The following TBC1D1 variants were observed in gnomAD, a reference collection of about 807,000 sequenced individuals.
The protein encoded by TBC1D1 is TBC1 (tre-2/USP6, BUB2, cdc16) domain family, member 1.
TBC1D1 carries 89 observed loss-of-function variants against 125.6 expected under a neutral mutation model. The ratio of observed to expected loss-of-function variants is 0.71; its 90% confidence interval spans 0.60 to 0.85. The LOEUF (loss-of-function observed/expected upper bound fraction) is 0.85. TBC1D1 is among the 40% of genes least tolerant of loss of function. TBC1D1 has a pLI of 0.00. For synonymous variants in TBC1D1, 565 were observed against 564.1 expected, an observed-to-expected ratio of 1.00 and a Z score of -0.02; for missense variants, 1,377 against 1,469.2, an observed-to-expected ratio of 0.94 and a Z score of 1.03.
intron 7 of TBC1D1, 46 bp downstream of exon 7, chr4:38,027,925 GC>G: frequency 7.1e-7 from 1 of 1,399,200 alleles, no homozygotes; most frequent in Non-Finnish European, 9.9e-7. Context: ...AAGGCAGGCA[GC>G]TTACCTGGGA....
chr4:37,979,904 C>A (rs1188906046), intron 2 of TBC1D1, among the ~76,000 whole-genome samples: 1 of 152,228 alleles, frequency 6.6e-6, no homozygotes, highest in Non-Finnish European at 1.5e-5. Context: ...CTCAGCCTCC[C>A]GAGTAGCTGG....
At chr4:37,918,518 G>T (rs1158309045) in intron 2 of TBC1D1, among the ~76,000 whole-genome samples, 1 of 151,078 alleles carries the variant, frequency 6.6e-6, no homozygotes, top group Non-Finnish European at 1.5e-5. Context: ...CACAATCTCA[G>T]CTCACTGCAA....
rs149852383 is a variant in TBC1D1, at chr4:37,933,714, A to G, written c.417+31202A>G. ...ATACAAAATGTTTAACAGTGATTCA[A>G]CTTGAAAAAAGATAGATATGATTCA... On this transcript the variant is annotated intron_variant, in intron 2 of 19. Coordinates refer to ENST00000261439, the MANE Select transcript of TBC1D1 (RefSeq NM_015173.4). Among the ~76,000 whole-genome samples the G allele has an allele frequency of 6.0e-3, 915 of 152,300 alleles. 2 individuals carry two copies. The highest frequency in any genetic ancestry group is 0.02 in the Middle Eastern group (6 of 294).
At chr4:37,949,669 C>A (rs919892421) in intron 2 of TBC1D1, among the ~76,000 whole-genome samples, 3 of 152,168 alleles carry the variant, frequency 2.0e-5, no homozygotes, top group Non-Finnish European at 4.4e-5. Context: ...TCCTTCCAGA[C>A]GTTCTACATG....
intron 10 of TBC1D1, among the ~76,000 whole-genome samples, chr4:38,047,314 C>T (rs115655108): frequency 0.011 from 1,632 of 152,194 alleles, 27 homozygotes; most frequent in African/African-American, 0.037. Context: ...GGTTAAAGTG[C>T]AGATTCTGGT....
At chr4:38,063,476 G>A (rs1753127393) in intron 12 of TBC1D1, among the ~76,000 whole-genome samples, 1 of 151,984 alleles carries the variant, frequency 6.6e-6, no homozygotes, top group Admixed American at 6.5e-5. Flanking sequence ...AGTTTTTTTA[G>A]AAGGATAGAT....
At chr4:38,114,678 G>C (rs935337425) in intron 15 of TBC1D1, among the ~76,000 whole-genome samples, 1 of 152,126 alleles carries the variant, frequency 6.6e-6, no homozygotes, top group Admixed American at 6.5e-5. Flanking sequence ...AGAGGAACTT[G>C]ACAAGTATCA....
At position 37,894,230 on chromosome 4, in the gene TBC1D1, AC is replaced by A. The variant is rs565573307; in HGVS notation, c.-94+2885del. Among the ~76,000 whole-genome samples, 304 of 152,002 alleles carry A rather than the reference AC, an allele frequency of 2.0e-3. 3 individuals are homozygous for A. Among genetic ancestry groups the A allele is most frequent in the African/African-American group, 7.1e-3 (295 of 41,480 alleles). ...TCTTGAACTCCCGACCTTGTGATCC[AC>A]CCGCCTTGGCCTCCCAAAGTGCTGG... On this transcript the variant is annotated intron_variant, in intron 1 of 19. Coordinates refer to ENST00000261439, the MANE Select transcript of TBC1D1 (RefSeq NM_015173.4).
chr4:38,031,392 G>C (rs934933377), intron 7 of TBC1D1, among the ~76,000 whole-genome samples: 1 of 152,194 alleles, frequency 6.6e-6, no homozygotes, highest in African/African-American at 2.4e-5. Flanking sequence ...TATCAGCTTA[G>C]TTGGATTTTG....
chr4:37,988,468 A>AG (rs969788103), intron 2 of TBC1D1, among the ~76,000 whole-genome samples: 2 of 152,212 alleles, frequency 1.3e-5, no homozygotes, highest in African/African-American at 2.4e-5. Flanking sequence ...CATCCATTAA[A>AG]GGGGGGATGA....
At chr4:37,897,443 T>C (rs1281178258) in intron 1 of TBC1D1, among the ~76,000 whole-genome samples, 1 of 152,212 alleles carries the variant, frequency 6.6e-6, no homozygotes. Context: ...TATTTGATAG[T>C]TTATGAACAG....
intron 16 of TBC1D1, among the ~76,000 whole-genome samples, chr4:38,116,939 C>T (rs1763079051): frequency 6.6e-6 from 1 of 152,176 alleles, no homozygotes; most frequent in Non-Finnish European, 1.5e-5. Context: ...ACATGGACCA[C>T]GTGAATGCAA....
chr4:38,092,084 A>G (rs1758522022), intron 13 of TBC1D1, among the ~76,000 whole-genome samples: 1 of 152,236 alleles, frequency 6.6e-6, no homozygotes, highest in South Asian at 2.1e-4. Flanking sequence ...TAGCAATAAC[A>G]GCCTGATTGC....
At chr4:37,907,575 C>T (rs921355443) in intron 2 of TBC1D1, among the ~76,000 whole-genome samples, 1 of 152,166 alleles carries the variant, frequency 6.6e-6, no homozygotes, top group Non-Finnish European at 1.5e-5. Context: ...CACCCATGAA[C>T]GTCCCTCAGA....
chr4:38,038,987 A>G (rs1449841119), intron 8 of TBC1D1, among the ~76,000 whole-genome samples: 2 of 149,776 alleles, frequency 1.3e-5, no homozygotes, highest in Non-Finnish European at 3.0e-5. Context: ...AAGTAGCCCT[A>G]TATTCGTCTT....
At chr4:38,012,834 C>T (rs895290730) in intron 2 of TBC1D1, among the ~76,000 whole-genome samples, 2 of 152,124 alleles carry the variant, frequency 1.3e-5, no homozygotes, top group Non-Finnish European at 2.9e-5. Context: ...TGTGCTGTCA[C>T]CCAGGCTGGA....
At chr4:38,133,929 A>G (rs530445451) in intron 19 of TBC1D1, among the ~76,000 whole-genome samples, 60 of 152,324 alleles carry the variant, frequency 3.9e-4, no homozygotes, top group Non-Finnish European at 6.2e-4. Context: ...ACCCAGGCAC[A>G]CTGCCCAAAA....
intron 2 of TBC1D1, among the ~76,000 whole-genome samples, chr4:37,958,356 T>A (rs973908415): frequency 2.6e-5 from 4 of 152,228 alleles, no homozygotes; most frequent in Non-Finnish European, 4.4e-5. Flanking sequence ...CCCAGATGAT[T>A]CTTCATATTT....
intron 2 of TBC1D1, among the ~76,000 whole-genome samples, chr4:37,942,785 C>T (rs909761270): frequency 2.6e-5 from 4 of 152,152 alleles, no homozygotes; most frequent in Admixed American, 2.6e-4. Flanking sequence ...TGTGATCCAC[C>T]CATCTTGCAC....
Sources: allele counts gnomAD v4.1 joint callset (sites outside exome capture counted in the v4.1 genomes callset), GRCh38; gene constraint gnomAD v4.1.1; transcripts MANE v1.5; gene names NCBI Gene and HGNC (gene_info 2026-07-23, HGNC 2026-07-21).